The following SLC2A9 variants were observed in gnomAD, a reference collection of about 807,000 sequenced individuals.
SLC2A9 encodes the protein solute carrier family 2, facilitated glucose transporter member 9.
SLC2A9 carries 39 observed loss-of-function variants against 50.6 expected under a neutral mutation model. That is an observed-to-expected ratio of 0.77 (90% CI 0.60 to 1.01). The LOEUF is 1.01. Among genes scored for constraint, SLC2A9 ranks in the 50% least tolerant of loss-of-function variants. The probability of loss-of-function intolerance (pLI) is 0.00; values close to 1 mark genes in which losing one functional copy is unlikely to be tolerated. For synonymous variants in SLC2A9, 324 were observed against 276.9 expected (o/e 1.17, Z -1.69); for missense variants, 686 against 677.6 (o/e 1.01, Z -0.14).
intron 11 of SLC2A9, among the ~76,000 whole-genome samples, chr4:9,834,313 G>T (rs138232972): frequency 7.9e-5 from 12 of 152,324 alleles, no homozygotes; most frequent in Non-Finnish European, 1.3e-4. Flanking sequence ...CTAGAAAAGT[G>T]CCTGGCACAC....
At chr4:9,997,729 CA>C (rs34082587) in intron 2 of SLC2A9, among the ~76,000 whole-genome samples, 1,863 of 139,590 alleles carry the variant, frequency 0.013, 39 homozygotes, top group African/African-American at 0.044. Context: ...ACATACCTAA[CA>C]AAAAAAAAAT....
At chr4:9,934,383 C>T (rs953300000) in intron 6 of SLC2A9, among the ~76,000 whole-genome samples, 6 of 152,224 alleles carry the variant, frequency 3.9e-5, no homozygotes, top group Non-Finnish European at 8.8e-5. Context: ...CCACAGATGG[C>T]TTTTCATTTT....
chr4:10,001,431 C>A (rs1008066110), intron 2 of SLC2A9, among the ~76,000 whole-genome samples: 2 of 152,172 alleles, frequency 1.3e-5, no homozygotes, highest in African/African-American at 4.8e-5. Context: ...TCCTTCAAAG[C>A]CCTCAGAAGG....
chr4:10,023,988 A>G (rs1763671932), upstream of SLC2A9, among the ~76,000 whole-genome samples: 1 of 152,184 alleles, frequency 6.6e-6, no homozygotes, highest in African/African-American at 2.4e-5. Context: ...GCCTGCTCTG[A>G]CACTCACTGG....
At chr4:9,886,291 G>C (rs1054856687) in intron 10 of SLC2A9, among the ~76,000 whole-genome samples, 3 of 152,248 alleles carry the variant, frequency 2.0e-5, no homozygotes, top group Non-Finnish European at 2.9e-5. Flanking sequence ...TGCCCTGGAA[G>C]ACTAAACACA....
intron 11 of SLC2A9, among the ~76,000 whole-genome samples, chr4:9,828,582 T>G (rs1725517316): frequency 6.6e-6 from 1 of 152,208 alleles, no homozygotes; most frequent in Non-Finnish European, 1.5e-5. Context: ...CCTTTATGAT[T>G]TCCCTCCAGT....
chr4:9,917,266 A>G (rs112480459), intron 7 of SLC2A9, among the ~76,000 whole-genome samples: 215 of 151,888 alleles, frequency 1.4e-3, no homozygotes, highest in African/African-American at 4.9e-3. Context: ...ACCAAAAAGG[A>G]ATTTAGAAAT....
At chr4:9,881,196 A>G (rs1735145456) in intron 10 of SLC2A9, among the ~76,000 whole-genome samples, 1 of 152,228 alleles carries the variant, frequency 6.6e-6, no homozygotes, top group African/African-American at 2.4e-5. Context: ...GCTCTAGCCC[A>G]GTGGTTCTTG....
At chr4:9,870,601 G>T (rs551439387) in intron 10 of SLC2A9, among the ~76,000 whole-genome samples, 1 of 152,194 alleles carries the variant, frequency 6.6e-6, no homozygotes, top group Non-Finnish European at 1.5e-5. Context: ...ACACTGCCAC[G>T]TTTTCGCATT....
chr4:9,965,296 G>GT, intron 5 of SLC2A9, among the ~76,000 whole-genome samples: 1 of 152,340 alleles, frequency 6.6e-6, no homozygotes, highest in South Asian at 2.1e-4. Context: ...TGCAGAGGCT[G>GT]TTTTGGGCCT....
intron 3 of SLC2A9, among the ~76,000 whole-genome samples, chr4:9,785,215 G>T (rs1336959510): frequency 3.9e-5 from 6 of 152,160 alleles, no homozygotes; most frequent in Non-Finnish European, 8.8e-5. Flanking sequence ...TTCTGTCTGT[G>T]TCTGTAAATG....
chr4:9,910,467 G>A (rs187583828), intron 7 of SLC2A9, among the ~76,000 whole-genome samples: 2 of 152,242 alleles, frequency 1.3e-5, no homozygotes, highest in Non-Finnish European at 1.5e-5. Flanking sequence ...AAGTGTAACA[G>A]CCTTTCTTAA....
chr4:9,795,796 G>C (rs990142181), downstream of SLC2A9, among the ~76,000 whole-genome samples: 1 of 152,206 alleles, frequency 6.6e-6, no homozygotes, highest in African/African-American at 2.4e-5. Flanking sequence ...TTCCTTGTGT[G>C]GCTAGAGGGC....
chr4:9,778,468 T>C (rs1477288515), downstream of SLC2A9, among the ~76,000 whole-genome samples: 1 of 152,120 alleles, frequency 6.6e-6, no homozygotes, highest in Non-Finnish European at 1.5e-5. Flanking sequence ...GATTGTTCTC[T>C]AGAATTCCCT....
At chr4:9,916,788 A>G (rs535315351) in intron 7 of SLC2A9, among the ~76,000 whole-genome samples, 1 of 152,308 alleles carries the variant, frequency 6.6e-6, no homozygotes, top group Non-Finnish European at 1.5e-5. Context: ...GGTTCAAGAA[A>G]ATGAAGGCTT....
intron 10 of SLC2A9, among the ~76,000 whole-genome samples, chr4:9,847,679 A>G (rs572748265): frequency 1.4e-4 from 21 of 152,376 alleles, no homozygotes; most frequent in African/African-American, 5.0e-4. Flanking sequence ...CACTGAGTCA[A>G]GAAAACCAGC....
chr4:9,945,380 C>T (rs1748955040), intron 5 of SLC2A9, among the ~76,000 whole-genome samples: 1 of 152,246 alleles, frequency 6.6e-6, no homozygotes, highest in Admixed American at 6.5e-5. Context: ...CAGGCCTGCA[C>T]ACACTGTAGG....
exon 1 of SLC2A9, chr4:10,040,130 A>T (rs1764236622): frequency 6.6e-6 from 1 of 152,090 alleles, no homozygotes; most frequent in Admixed American, 6.6e-5. Context: ...TCCTACTCAC[A>T]TTTTAGGGTT....
chr4:9,873,811 A>G (rs1733834507), intron 10 of SLC2A9, among the ~76,000 whole-genome samples: 1 of 152,230 alleles, frequency 6.6e-6, no homozygotes, highest in Admixed American at 6.5e-5. Context: ...TTAATCCATG[A>G]GGCTTGGCGG....
Sources: gnomAD v4.1 joint callset for allele counts (sites outside exome capture counted in the v4.1 genomes callset) on GRCh38, gnomAD v4.1.1 for gene constraint, MANE v1.5 for transcripts, NCBI Gene and HGNC (gene_info 2026-07-23, HGNC 2026-07-21) for gene names.